Variants in PDE1A observed in about 807,000 individuals in gnomAD.
The protein encoded by PDE1A is phosphodiesterase 1A.
Under a neutral mutation model 61.7 loss-of-function variants are expected in PDE1A, and 35 were observed. That is an observed-to-expected ratio of 0.57 (90% CI 0.43 to 0.75). The LOEUF is 0.75. PDE1A is among the 30% of genes least tolerant of loss of function. The probability of loss-of-function intolerance (pLI) is 0.00; values close to 1 mark genes in which losing one functional copy is unlikely to be tolerated. For missense variants in PDE1A, 597 were observed against 630.6 expected, an observed-to-expected ratio of 0.95 and a Z score of 0.57; for synonymous variants, 232 against 213.2, an observed-to-expected ratio of 1.09 and a Z score of -0.77.
chr2:182,656,131 G>A, the PDE1A span, among the ~76,000 whole-genome samples: 7 of 152,216 alleles, frequency 4.6e-5, no homozygotes, highest in South Asian at 1.5e-3. Flanking sequence ...CCTTCTACCT[G>A]TTGCAAGTGC....
chr2:182,174,141 G>A (rs1692507115), intron 13 of PDE1A, among the ~76,000 whole-genome samples: 1 of 151,964 alleles, frequency 6.6e-6, no homozygotes, highest in African/African-American at 2.4e-5. Context: ...TAGTTGGGGT[G>A]GGGTGCCAAG....
chr2:182,553,138 C>G, the PDE1A span, among the ~76,000 whole-genome samples: 1 of 152,216 alleles, frequency 6.6e-6, no homozygotes, highest in East Asian at 1.9e-4. Flanking sequence ...TCTAATAGAG[C>G]TATAACACTC....
rs747497400 is a variant in PDE1A, at chr2:182,240,091, T to C, written c.350+19A>G. Reference sequence around the variant, plus strand: ...CCTTTCAAATGTTACTGTCTTGAGATACCAACAATTTCACTTACCTTTCCA... The same window carrying C: ...CCTTTCAAATGTTACTGTCTTGAGACACCAACAATTTCACTTACCTTTCCA... On this transcript the variant is annotated intron_variant, in intron 3 of 13. Transcript: ENST00000351439. 16 of 1,607,584 alleles carry C rather than the reference T, an allele frequency of 1.0e-5. No homozygotes were observed. Among genetic ancestry groups the C allele is most frequent in the African/African-American group, 1.3e-5 (1 of 74,900 alleles).
At chr2:182,207,216 A>T (rs79549624) in intron 7 of PDE1A, among the ~76,000 whole-genome samples, 3 of 152,096 alleles carry the variant, frequency 2.0e-5, no homozygotes, top group African/African-American at 7.2e-5. Flanking sequence ...TGACCAAAAT[A>T]CTGATAGTGA....
the PDE1A span, among the ~76,000 whole-genome samples, chr2:182,640,805 A>C: frequency 6.6e-6 from 1 of 152,222 alleles, no homozygotes; most frequent in African/African-American, 2.4e-5. Flanking sequence ...AGATCACTTG[A>C]GGTCAGGAGT....
intron 1 of PDE1A, among the ~76,000 whole-genome samples, chr2:182,408,902 C>T (rs888669868): frequency 1.3e-5 from 2 of 152,184 alleles, no homozygotes; most frequent in African/African-American, 4.8e-5. Flanking sequence ...AATCCACTCA[C>T]CTTGCAGAGA....
At chr2:182,541,594 G>C in the PDE1A span, among the ~76,000 whole-genome samples, 1 of 152,114 alleles carries the variant, frequency 6.6e-6, no homozygotes, top group African/African-American at 2.4e-5. Flanking sequence ...TGCTATTGAA[G>C]GGCTGTGAGA....
intron 2 of PDE1A, among the ~76,000 whole-genome samples, chr2:182,466,705 C>T (rs1346794329): frequency 6.6e-6 from 1 of 152,010 alleles, no homozygotes; most frequent in Non-Finnish European, 1.5e-5. Context: ...TACTCGTATT[C>T]ATCACTCCAT....
chr2:182,571,811 T>C, the PDE1A span, among the ~76,000 whole-genome samples: 1 of 152,112 alleles, frequency 6.6e-6, no homozygotes, highest in East Asian at 1.9e-4. Flanking sequence ...AGTATCATGA[T>C]CCATTATGCC....
chr2:182,255,768 C>T (rs1336774056), intron 2 of PDE1A, among the ~76,000 whole-genome samples: 5 of 151,568 alleles, frequency 3.3e-5, no homozygotes, highest in African/African-American at 1.2e-4. Flanking sequence ...AGCGATTCTC[C>T]TGCCTCACCC....
the PDE1A span, among the ~76,000 whole-genome samples, chr2:182,543,955 C>T: frequency 6.6e-6 from 1 of 152,162 alleles, no homozygotes; most frequent in African/African-American, 2.4e-5. Context: ...GTCTCTCCTT[C>T]CCCACCTGCC....
At chr2:182,602,823 T>C in the PDE1A span, among the ~76,000 whole-genome samples, 1 of 152,108 alleles carries the variant, frequency 6.6e-6, no homozygotes, top group Non-Finnish European at 1.5e-5. Flanking sequence ...CATTAGAAAC[T>C]CAGGCCAAGA....
chr2:182,183,713 T>C (rs920847520), intron 13 of PDE1A, among the ~76,000 whole-genome samples: 1 of 150,846 alleles, frequency 6.6e-6, no homozygotes, highest in African/African-American at 2.4e-5. Context: ...ACAAGTTTTT[T>C]AAATATGTTT....
chr2:182,623,682 A>T, the PDE1A span, among the ~76,000 whole-genome samples: 1 of 152,130 alleles, frequency 6.6e-6, no homozygotes, highest in Admixed American at 6.5e-5. Flanking sequence ...ACTACAAAAA[A>T]CTGTCTTCAT....
At chr2:182,632,615 G>C in the PDE1A span, among the ~76,000 whole-genome samples, 1 of 151,920 alleles carries the variant, frequency 6.6e-6, no homozygotes, top group Admixed American at 6.6e-5. Context: ...TGCCCCACTG[G>C]GTTCTAGACT....
At chr2:182,279,007 G>A (rs1045968767) in intron 1 of PDE1A, among the ~76,000 whole-genome samples, 2 of 151,894 alleles carry the variant, frequency 1.3e-5, no homozygotes, top group African/African-American at 4.8e-5. Flanking sequence ...GTAAATGACA[G>A]AGACTTTTAT....
the PDE1A span, among the ~76,000 whole-genome samples, chr2:182,592,945 C>A: frequency 6.6e-6 from 1 of 152,102 alleles, no homozygotes; most frequent in Admixed American, 6.5e-5. Context: ...GAGGCCTTAC[C>A]CCTAAAGATA....
chr2:182,603,499 C>T, the PDE1A span, among the ~76,000 whole-genome samples: 1 of 152,152 alleles, frequency 6.6e-6, no homozygotes, highest in Non-Finnish European at 1.5e-5. Context: ...AGGCACCTGC[C>T]ACCACACCCC....
chr2:182,202,480 A>G (rs1049967675), intron 8 of PDE1A, among the ~76,000 whole-genome samples: 3 of 152,160 alleles, frequency 2.0e-5, no homozygotes, highest in Non-Finnish European at 2.9e-5. Flanking sequence ...TAATCCTCCT[A>G]ACAATCCTGA....
Sources: gnomAD v4.1 joint callset for allele counts (sites outside exome capture counted in the v4.1 genomes callset) on GRCh38, gnomAD v4.1.1 for gene constraint, MANE v1.5 for transcripts, NCBI Gene and HGNC (gene_info 2026-07-23, HGNC 2026-07-21) for gene names.